Variants in CADPS observed in about 807,000 individuals in gnomAD.
The protein encoded by CADPS is calcium-dependent secretion activator 1.
A neutral mutation model predicts 167.3 loss-of-function variants in CADPS; 57 were observed. The ratio of observed to expected loss-of-function variants is 0.34; its 90% CI spans 0.28 to 0.42. The LOEUF (loss-of-function observed/expected upper bound fraction) is 0.42. CADPS is among the 20% of genes least tolerant of loss of function. The pLI, the probability that CADPS is intolerant of heterozygous loss-of-function variation, is 1.00. For synonymous variants in CADPS, 676 were observed against 635.3 expected (o/e 1.06, Z -0.96); for missense variants, 1,414 against 1,738.1 (o/e 0.81, Z 3.32).
chr3:62,471,209 T>C (rs1252284718), intron 24 of CADPS, among the ~76,000 whole-genome samples: 2 of 152,134 alleles, frequency 1.3e-5, no homozygotes, highest in Non-Finnish European at 1.5e-5. Context: ...AAAAGGCAAC[T>C]TATTCTTCTA....
At chr3:62,572,273 T>A (rs184317319) in intron 8 of CADPS, among the ~76,000 whole-genome samples, 1 of 152,238 alleles carries the variant, frequency 6.6e-6, no homozygotes, top group East Asian at 1.9e-4. Flanking sequence ...TCATCCTTAT[T>A]CCTCAGTCGC....
intron 13 of CADPS, among the ~76,000 whole-genome samples, chr3:62,525,604 C>T (rs994117593): frequency 2.6e-5 from 4 of 151,758 alleles, no homozygotes; most frequent in African/African-American, 9.7e-5. Flanking sequence ...TAAAACAGAG[C>T]TATCCCCACT....
intron 29 of CADPS, among the ~76,000 whole-genome samples, chr3:62,401,205 A>ATC (rs1273221347): frequency 1.3e-5 from 2 of 152,262 alleles, no homozygotes; most frequent in African/African-American, 4.8e-5. Flanking sequence ...TGGGCCAGAT[A>ATC]TCTACACAAT....
chr3:62,665,567 T>C lies in CADPS; in HGVS notation c.889-3173A>G, dbSNP rs182700853. Among the ~76,000 whole-genome samples the C allele has an allele frequency of 2.0e-5, 3 of 152,332 alleles. No homozygotes were observed. In the East Asian group the frequency reaches 5.8e-4, roughly 29 times the overall value. ...CCTTGTTTGGTTTTCTAATTGATCCTGACAGTTAACTAGCTCAGCAACCTC... is the reference window on the plus strand; with the variant it reads ...CCTTGTTTGGTTTTCTAATTGATCCCGACAGTTAACTAGCTCAGCAACCTC... On this transcript the variant is annotated intron_variant, in intron 3 of 29. Transcript: ENST00000383710.
In CADPS at chr3:62,478,351, T is replaced by C. The variant is rs1326587557; in HGVS notation, c.3239A>G (p.Asp1080Gly). 1 of 1,613,802 alleles carries C rather than the reference T, an allele frequency of 6.2e-7. No homozygotes were observed. The highest frequency in any genetic ancestry group is 1.1e-5 in the South Asian group (1 of 91,060). The change falls in exon 23 of 30, where the codon GAC (aspartate) becomes GGC (glycine). Residue 1080 changes from aspartate (D) to glycine (G), a missense_variant. By Grantham distance (94) the Asp-to-Gly change is moderately conservative. This residue lies in a region of CADPS where 529 missense variants were observed against 629.6 expected (regional missense o/e 0.84). Transcript: ENST00000383710. The surrounding 1 kb of genome is among the most constrained non-coding windows in gnomAD (Gnocchi z 5.7). ...AAACTCTTCTTCAGGCCAGTGCAGG[T>C]CCCGAATGAAGGTCTGAAGGGCGTC... is the stretch of plus-strand genomic sequence containing the variant. ...KLDALQTFIR[D>G]LHWPEEEFGK...
At chr3:62,507,038 C>G (rs193175411) in intron 17 of CADPS, among the ~76,000 whole-genome samples, 1 of 152,292 alleles carries the variant, frequency 6.6e-6, no homozygotes, top group East Asian at 1.9e-4. Context: ...CCAAAAAATT[C>G]TCTTTTCTTG....
intron 6 of CADPS, among the ~76,000 whole-genome samples, chr3:62,641,798 T>A (rs976719938): frequency 1.3e-5 from 2 of 152,044 alleles, no homozygotes; most frequent in African/African-American, 4.8e-5. Context: ...AGCAAACAGA[T>A]TGATCAACTG....
At chr3:62,431,302 T>C (rs1349163819) in intron 28 of CADPS, among the ~76,000 whole-genome samples, 1 of 152,184 alleles carries the variant, frequency 6.6e-6, no homozygotes, top group Non-Finnish European at 1.5e-5. Flanking sequence ...CCAGCTCAGA[T>C]AGCTGTGCCT....
intron 16 of CADPS, 149 bp from the exon 17 acceptor site, chr3:62,512,917 C>T (rs1484207724): frequency 7.0e-6 from 4 of 567,798 alleles, no homozygotes; most frequent in South Asian, 3.8e-5. Flanking sequence ...TTCCCACCGC[C>T]CCAAAGTTTG....
chr3:62,775,960 C>T (rs569714173), intron 1 of CADPS, among the ~76,000 whole-genome samples: 6 of 152,308 alleles, frequency 3.9e-5, no homozygotes, highest in African/African-American at 1.4e-4. Context: ...TACAGTTTGG[C>T]ACCACTGCCT....
Position 62,601,596 on chromosome 3 carries a change from C to G in CADPS, c.1326-8848G>C, listed in dbSNP as rs1391723585. 1.3e-5 allele frequency among the ~76,000 whole-genome samples: 2 copies of G among 152,198 alleles called. No individual in the cohort carries two copies. Among genetic ancestry groups the G allele is most frequent in the Non-Finnish European group, 2.9e-5 (2 of 68,034 alleles). On this transcript the variant is annotated intron_variant, in intron 6 of 29. Coordinates refer to ENST00000383710, the MANE Select transcript of CADPS (RefSeq NM_003716.4). The surrounding 1 kb of genome is among the most constrained non-coding windows in gnomAD (Gnocchi z 4.3). ...AAATTCTTCATGGAGCTCTTTCTAG[C>G]ACTCTTAGTTTATTAGAAAATTGGG...
chr3:62,502,845 T>C (rs1214379714), intron 17 of CADPS, among the ~76,000 whole-genome samples: 2 of 151,992 alleles, frequency 1.3e-5, no homozygotes, highest in Non-Finnish European at 2.9e-5. Context: ...GGGGAGCTGC[T>C]TGGGTAGGTG....
At chr3:62,710,791 A>G (rs1263194062) in intron 3 of CADPS, among the ~76,000 whole-genome samples, 2 of 152,260 alleles carry the variant, frequency 1.3e-5, no homozygotes, top group Non-Finnish European at 2.9e-5. Context: ...AATAGGAAAT[A>G]GTAAGATTAA....
At chr3:62,650,612 A>G (rs2069845471) in intron 5 of CADPS, among the ~76,000 whole-genome samples, 1 of 152,194 alleles carries the variant, frequency 6.6e-6, no homozygotes, top group African/African-American at 2.4e-5. Context: ...TTAAGACAGA[A>G]AGTAATGCAA....
At chr3:62,718,420 T>C (rs549475175) in intron 3 of CADPS, among the ~76,000 whole-genome samples, 1 of 152,358 alleles carries the variant, frequency 6.6e-6, no homozygotes, top group South Asian at 2.1e-4. Context: ...TAGACTGTTA[T>C]CTTTGAACTC....
Position 62,455,479 on chromosome 3 carries a change from A to G in CADPS, c.3637-9682T>C, listed in dbSNP as rs2058583472. ...ACATTATGGAGCTGGTATTTGAAGC[A>G]TGGTTTCCTTGGACTCCAGGGTTTG... On this transcript the variant is annotated intron_variant, in intron 26 of 29. Coordinates refer to ENST00000383710, the MANE Select transcript of CADPS (RefSeq NM_003716.4). The surrounding 1 kb of genome is among the most constrained non-coding windows in gnomAD (Gnocchi z 4.4). 6.6e-6 allele frequency among the ~76,000 whole-genome samples: 1 copy of G among 152,180 alleles called. No homozygotes were observed. Among genetic ancestry groups the G allele is most frequent in the Non-Finnish European group, 1.5e-5 (1 of 68,026 alleles).
intron 28 of CADPS, among the ~76,000 whole-genome samples, chr3:62,436,609 G>T (rs540121175): frequency 1.3e-5 from 2 of 152,298 alleles, no homozygotes; most frequent in South Asian, 2.1e-4. Flanking sequence ...GGGAGGACCC[G>T]CTGGTGAGCT....
At position 62,455,050 on chromosome 3, in the gene CADPS, G is replaced by C. The variant is rs984303403; in HGVS notation, c.3637-9253C>G. 6.6e-6 allele frequency among the ~76,000 whole-genome samples: 1 copy of C among 151,944 alleles called. No homozygotes were observed. The highest frequency in any genetic ancestry group is 1.5e-5 in the Non-Finnish European group (1 of 67,982). On this transcript the variant is annotated intron_variant, in intron 26 of 29. Coordinates refer to ENST00000383710, the MANE Select transcript of CADPS (RefSeq NM_003716.4). This position sits in a 1 kb window ranked among gnomAD's most constrained non-coding sequence, Gnocchi z 4.4. ...GGAGCCGCAGCCTCATTAACGATGAGAATTGTTCTCATCTCCTGTTGTTCA... is the reference window on the plus strand; with the variant it reads ...GGAGCCGCAGCCTCATTAACGATGACAATTGTTCTCATCTCCTGTTGTTCA...
At chr3:62,541,236 C>T (rs191601944) in intron 11 of CADPS, among the ~76,000 whole-genome samples, 99 of 152,236 alleles carry the variant, frequency 6.5e-4, no homozygotes, top group African/African-American at 1.9e-3. Flanking sequence ...GTTCCTAAGT[C>T]CTGCTTGGTC....
Sources: allele counts gnomAD v4.1 joint callset (sites outside exome capture counted in the v4.1 genomes callset), GRCh38; gene constraint gnomAD v4.1.1; regional missense constraint gnomAD v4.1.1; non-coding constraint Gnocchi (gnomAD v3.1); transcripts MANE v1.5; gene names NCBI Gene and HGNC (gene_info 2026-07-23, HGNC 2026-07-21).